SPIRE2: variants seen among roughly 807,000 people sequenced by gnomAD.
SPIRE2 encodes the protein protein spire homolog 2.
A neutral mutation model predicts 80.7 loss-of-function variants in SPIRE2; 76 were observed. The ratio of observed to expected loss-of-function variants is 0.94; its 90% CI spans 0.78 to 1.14. The LOEUF (loss-of-function observed/expected upper bound fraction) is 1.14. Among genes scored for constraint, SPIRE2 ranks in the 50% most tolerant of loss-of-function variants. The pLI is 0.00. For missense variants in SPIRE2, 1,196 were observed against 1,015.3 expected, an observed-to-expected ratio of 1.18 and a Z score of -2.42; for synonymous variants, 535 against 432.6, an observed-to-expected ratio of 1.24 and a Z score of -2.94.
intron 2 of SPIRE2, chr16:89,847,043 T>C (rs1360452948): frequency 6.6e-6 from 1 of 151,630 alleles, no homozygotes; most frequent in Admixed American, 6.6e-5. Context: ...ATTGATATAT[T>C]ATTAAACATG....
chr16:89,842,208 A>ATTTTTTTGTTTTTT (rs2041512546), intron 1 of SPIRE2, among the ~76,000 whole-genome samples: 1 of 81,306 alleles, frequency 1.2e-5, no homozygotes, highest in Non-Finnish European at 2.1e-5. Flanking sequence ...TGAACACGTA[A>ATTTTTTTGTTTTTT]TTTTTTTTTT....
In SPIRE2 at chr16:89,854,706, G is replaced by A. The variant is rs1168120471; in HGVS notation, c.891+55G>A. The stretch of plus-strand genomic sequence containing the variant: ...TGGATGCAGAGGTCGTGGTGAGCGG[G>A]GCGGACGCAGATGAGCAGCCTGGAT... On this transcript the variant is annotated intron_variant, in intron 5 of 14. Coordinates refer to ENST00000378247, the MANE Select transcript of SPIRE2 (RefSeq NM_032451.2). 3.2e-6 allele frequency: 5 copies of A among 1,574,936 alleles called. No individual in the cohort carries two copies. In the East Asian group the frequency reaches 9.0e-5, roughly 28 times the overall value.
At chr16:89,851,041 G>A (rs907022436) in intron 3 of SPIRE2, among the ~76,000 whole-genome samples, 8 of 151,962 alleles carry the variant, frequency 5.3e-5, no homozygotes, top group Admixed American at 2.0e-4. Flanking sequence ...AGCTGGTCTC[G>A]AACTCCTGAC....
Position 89,863,858 on chromosome 16 carries a change from A to G in SPIRE2, c.1775A>G (p.Lys592Arg). 2 of 1,613,294 alleles carry G rather than the reference A, an allele frequency of 1.2e-6. No individual in the cohort carries two copies. Among genetic ancestry groups the G allele is most frequent in the Non-Finnish European group, 1.7e-6 (2 of 1,179,530 alleles). Residue 592 changes from lysine to arginine, a missense_variant, in exon 12 of 15, where the codon AAG becomes AGG. By Grantham distance (26) the Lys-to-Arg change is conservative. Transcript: ENST00000378247. This position sits in a 1 kb window ranked among gnomAD's most constrained non-coding sequence, Gnocchi z 4.3. ...FSWPPSCLFCKRAVCTSCSIK... is the reference protein window; with the variant it reads ...FSWPPSCLFCRRAVCTSCSIK... ...TGGCCGCCCAGCTGTCTCTTCTGCA[A>G]GAGGTGAGCCTTCCCTTTAGCTGTC... is the stretch of plus-strand genomic sequence containing the variant.
At chr16:89,868,143 T>C (rs545117552) in intron 12 of SPIRE2, 46 bp from the exon 13 acceptor site, 2 of 1,612,858 alleles carry the variant, frequency 1.2e-6, no homozygotes, top group South Asian at 2.2e-5. Flanking sequence ...CAGCTGTTTG[T>C]GGGCTTCCTC....
Position 89,828,585 on chromosome 16 carries a change from CG to C in SPIRE2, c.38del (p.Gly13AlafsTer16), listed in dbSNP as rs1199558360. Reference sequence around the variant, plus strand: ...GCGGGCAGCTGCGGCGGCGCCGCGGCGGGCGCAGGGCGGCCGGAGCCCTGGG... The same window carrying C: ...GCGGGCAGCTGCGGCGGCGCCGCGGCGGCGCAGGGCGGCCGGAGCCCTGGG... ...ARAGSCGGAAAGAGRPEPWEL... is the reference protein window; with the variant it reads ...ARAGSCGGAAXGAGRPEPWEL... On this transcript the variant is annotated frameshift_variant, in exon 1 of 15. Transcript: ENST00000378247. LOFTEE classifies it high-confidence loss of function. This position sits in a 1 kb window ranked among gnomAD's most constrained non-coding sequence, Gnocchi z 5.9. 8.8e-5 allele frequency: 104 copies of C among 1,180,456 alleles called. No individual in the cohort carries two copies. The highest frequency in any genetic ancestry group is 3.2e-4 in the Admixed American group (7 of 21,628). The allele number at this position is 1,180,456 out of a possible 1,614,324, so 73.1% of individuals were successfully genotyped here.
chr16:89,831,309 C>G (rs1377785761), intron 1 of SPIRE2, among the ~76,000 whole-genome samples: 2 of 150,792 alleles, frequency 1.3e-5, no homozygotes, highest in Admixed American at 6.6e-5. Context: ...CACCTGCCCT[C>G]TTCACCCTGA....
In SPIRE2 at chr16:89,829,505, C is replaced by A. The variant is rs76456392; in HGVS notation, c.244+711C>A. 5.4e-3 allele frequency among the ~76,000 whole-genome samples: 827 copies of A among 152,328 alleles called. 4 individuals are homozygous for A. Among genetic ancestry groups the A allele is most frequent in the Middle Eastern group, 0.031 (9 of 294 alleles). ...TGTGATATGACCCCAAAAGCTGGTACCCTGCCGGGGGGCAGAGGCAGGCTG... is the reference window on the plus strand; with the variant it reads ...TGTGATATGACCCCAAAAGCTGGTAACCTGCCGGGGGGCAGAGGCAGGCTG... On this transcript the variant is annotated intron_variant, in intron 1 of 14. Transcript: ENST00000378247.
In SPIRE2 at chr16:89,860,709, C is replaced by T. The variant is rs1235967206; in HGVS notation, c.1489C>T (p.Pro497Ser). 6.3e-7 allele frequency: 1 copy of T among 1,591,952 alleles called. No homozygotes were observed. Among genetic ancestry groups the T allele is most frequent in the Non-Finnish European group, 8.5e-7 (1 of 1,169,792 alleles). ...QGTCPASVSD[P>S]SHPLLSNRGS... Reference sequence around the variant, plus strand: ...TACCTGTCCCGCGAGTGTCTCTGACCCCAGCCACCCCCTACTCAGCAACCG... The same window carrying T: ...TACCTGTCCCGCGAGTGTCTCTGACTCCAGCCACCCCCTACTCAGCAACCG... Residue 497 changes from proline to serine, a missense_variant, in exon 10 of 15, where the codon CCC becomes TCC. Physicochemically the swap from Pro to Ser is moderately conservative, Grantham distance 74 (BLOSUM62 -1). Transcript: ENST00000378247.
Position 89,870,175 on chromosome 16 carries a change from G to T in SPIRE2, c.2048G>T (p.Ser683Ile). 1 of 1,610,798 alleles carries T rather than the reference G, an allele frequency of 6.2e-7. No homozygotes were observed. ...TSFVADVVRS[S>I]RKSVDVLNTT... is the part of the protein sequence containing the mutation. Reference sequence around the variant, plus strand: ...TTTGTGGCAGACGTGGTGCGTTCCAGCCGCAAGAGCGTGGACGTCCTCAAC... The same window carrying T: ...TTTGTGGCAGACGTGGTGCGTTCCATCCGCAAGAGCGTGGACGTCCTCAAC... The change falls in exon 15 of 15, where the codon AGC becomes ATC. Residue 683 changes from serine to isoleucine, a missense_variant. Transcript: ENST00000378247.
chr16:89,833,656 G>C (rs1461990918), intron 1 of SPIRE2, among the ~76,000 whole-genome samples: 1 of 152,220 alleles, frequency 6.6e-6, no homozygotes, highest in Non-Finnish European at 1.5e-5. Flanking sequence ...GCTAACGTCT[G>C]TGCAGCCCTG....
At chr16:89,869,053 A>AAAAAAAAAAAAAAAAATATAT in intron 13 of SPIRE2, among the ~76,000 whole-genome samples, 1 of 24,036 alleles carries the variant, frequency 4.2e-5, no homozygotes, top group African/African-American at 1.6e-4. Flanking sequence ...AAAAAAAAAA[A>AAAAAAAAAAAAAAAAATATAT]ATATATATAT....
At chr16:89,865,622 T>G (rs1306217333) in intron 12 of SPIRE2, among the ~76,000 whole-genome samples, 1 of 152,144 alleles carries the variant, frequency 6.6e-6, no homozygotes, top group East Asian at 1.9e-4. Context: ...TCACATTAAC[T>G]GTAAGTCATC....
intron 1 of SPIRE2, among the ~76,000 whole-genome samples, chr16:89,839,739 G>C (rs372522780): frequency 6.6e-6 from 1 of 152,214 alleles, no homozygotes. Context: ...TCTTCCTCTG[G>C]GGGTGGGGTG....
chr16:89,856,210 T>C lies in SPIRE2; in HGVS notation c.1076T>C (p.Val359Ala). 1 of 1,591,656 alleles carries C rather than the reference T, an allele frequency of 6.3e-7. No individual in the cohort carries two copies. Among genetic ancestry groups the C allele is most frequent in the Middle Eastern group, 1.8e-4 (1 of 5,484 alleles). Residue 359 changes from valine (V) to alanine (A), a missense_variant, in exon 7 of 15, where the codon GTG becomes GCG. Physicochemically the swap from Val to Ala is moderately conservative, Grantham distance 64. Coordinates refer to ENST00000378247, the MANE Select transcript of SPIRE2 (RefSeq NM_032451.2). Reference protein sequence around the residue: ...EIKQERRLRPVRGEGWAARGF... With the variant: ...EIKQERRLRPARGEGWAARGF... ...AAGCAGGAGCGGAGGCTGCGCCCGG[T>C]GCGGGGCGAGGGCTGGGCTGCCCGC...
In SPIRE2 at chr16:89,828,497, G is replaced by A. The variant is rs1224318773; in HGVS notation, c.-54G>A. On this transcript the variant is annotated 5_prime_UTR_variant, in exon 1 of 15. Coordinates refer to ENST00000378247, the MANE Select transcript of SPIRE2 (RefSeq NM_032451.2). This position sits in a 1 kb window ranked among gnomAD's most constrained non-coding sequence, Gnocchi z 5.9. ...GCCAGGCTGACCCTGCGCGGCGGAAGGCGCGGCTGCATGGACGCGGGTCCG... is the reference window on the plus strand; with the variant it reads ...GCCAGGCTGACCCTGCGCGGCGGAAAGCGCGGCTGCATGGACGCGGGTCCG... 1.0e-6 allele frequency: 1 copy of A among 999,490 alleles called. No homozygotes were observed. Among genetic ancestry groups the A allele is most frequent in the Non-Finnish European group, 1.2e-6 (1 of 840,750 alleles). 61.9% of individuals were successfully genotyped at this position (999,490 alleles called of 1,614,324 possible). A position where few individuals can be genotyped will look rare whatever the true frequency, so the allele number is the denominator to read the frequency against.
intron 8 of SPIRE2, 114 bp downstream of exon 8, chr16:89,858,621 C>T (rs896101280): frequency 7.6e-5 from 77 of 1,018,838 alleles, no homozygotes; most frequent in Non-Finnish European, 1.0e-4. Context: ...GTCTCCTGTC[C>T]AGGAGCCCTC....
In SPIRE2 at chr16:89,858,443, C is replaced by G; in HGVS notation, c.1208C>G (p.Pro403Arg). ...VTDAGGSAQR[P>R]RPRVLLKAPT... ...GATGCTGGGGGCAGCGCCCAGCGCC[C>G]GCGGCCCCGCGTGCTGCTCAAGGCG... Residue 403 changes from proline (P) to arginine (R), a missense_variant, in exon 8 of 15, where the codon CCG (proline) becomes CGG (arginine). Coordinates refer to ENST00000378247, the MANE Select transcript of SPIRE2 (RefSeq NM_032451.2). 1 of 1,611,484 alleles carries G rather than the reference C, an allele frequency of 6.2e-7. No individual in the cohort carries two copies. Among genetic ancestry groups the G allele is most frequent in the Non-Finnish European group, 8.5e-7 (1 of 1,179,480 alleles).
At chr16:89,862,787 G>T (rs555303327) in intron 10 of SPIRE2, 1 of 152,654 alleles carries the variant, frequency 6.6e-6, no homozygotes, top group African/African-American at 2.4e-5. Flanking sequence ...CATCTCTGTG[G>T]CACCTTCATA....
Sources: gnomAD v4.1 joint callset for allele counts (sites outside exome capture counted in the v4.1 genomes callset) on GRCh38, gnomAD v4.1.1 for gene constraint, Gnocchi (gnomAD v3.1) non-coding constraint, MANE v1.5 for transcripts, NCBI Gene and HGNC (gene_info 2026-07-23, HGNC 2026-07-21) for gene names.